Variants in NUP98 observed in about 807,000 individuals in gnomAD.
NUP98 encodes the protein nuclear pore complex protein Nup98-Nup96.
Under a neutral mutation model 191.9 loss-of-function variants are expected in NUP98, and 26 were observed. The ratio of observed to expected loss-of-function variants is 0.14; its 90% CI spans 0.10 to 0.19. NUP98 has a LOEUF of 0.19. NUP98 is among the 10% of genes least tolerant of loss of function. The pLI is 1.00. For synonymous variants in NUP98, 808 were observed against 778.4 expected, an observed-to-expected ratio of 1.04 and a Z score of -0.63; for missense variants, 1,941 against 2,178.8, an observed-to-expected ratio of 0.89 and a Z score of 2.17.
rs539064761 is a variant in NUP98 at position 3,675,446 on chromosome 11, C to G, written c.*713G>C. 2 of 227,592 alleles carry G rather than the reference C, an allele frequency of 8.8e-6. No individual in the cohort carries two copies. The highest frequency in any genetic ancestry group is 1.7e-5 in the Non-Finnish European group (2 of 114,506). The allele number at this position is 227,592 out of a possible 1,614,324, so 14.1% of individuals were successfully genotyped here. ...GCAAGACTGAAAACCAGGGACCAAA[C>G]CAAACTCTGGGAGCTTCCCACAGAC... is the stretch of plus-strand genomic sequence containing the variant. On this transcript the variant is annotated 3_prime_UTR_variant, in exon 33 of 33. Transcript: ENST00000324932.
Position 3,797,407 on chromosome 11 carries a change from C to T in NUP98, c.-36G>A, listed in dbSNP as rs1305132866. 2.5e-6 allele frequency: 1 copy of T among 403,368 alleles called. No individual in the cohort carries two copies. The highest frequency in any genetic ancestry group is 4.4e-6 in the Non-Finnish European group (1 of 228,600). 25.0% of individuals were successfully genotyped at this position (403,368 alleles called of 1,614,324 possible). Reference sequence around the variant, plus strand: ...CTCGGGCTCCCGACTTACCGCGGTTCGGTGGGGAAGGGGAAGTGTCAGGAG... The same window carrying T: ...CTCGGGCTCCCGACTTACCGCGGTTTGGTGGGGAAGGGGAAGTGTCAGGAG... On this transcript the variant is annotated 5_prime_UTR_variant, in exon 1 of 33. Coordinates refer to ENST00000324932, the MANE Select transcript of NUP98 (RefSeq NM_016320.5).
intron 8 of NUP98, among the ~76,000 whole-genome samples, chr11:3,764,699 C>T (rs140790699): frequency 6.6e-6 from 1 of 152,158 alleles, no homozygotes; most frequent in Admixed American, 6.6e-5. Flanking sequence ...CTGCCTCAGC[C>T]CCCTGAGTAG....
Position 3,702,881 on chromosome 11 carries a change from G to C in NUP98, c.3094C>G (p.Leu1032Val). The change falls in exon 23 of 33, where the codon CTA (leucine) becomes GTA (valine). Residue 1032 changes from leucine (L) to valine (V), a missense_variant. Coordinates refer to ENST00000324932, the MANE Select transcript of NUP98 (RefSeq NM_016320.5). ...GCTCCACTTGTAAATTTTGATTGTA[G>C]TAACCCACCAACTGAAATGAAGCGG... The part of the protein sequence containing the change: ...SKTRSLVGGL[L>V]QSKFTSGAFL... 1.2e-6 allele frequency: 2 copies of C among 1,606,782 alleles called. No individual in the cohort carries two copies. The highest frequency in any genetic ancestry group is 1.7e-6 in the Non-Finnish European group (2 of 1,175,014).
At chr11:3,768,322 G>A (rs1160189395) in intron 8 of NUP98, among the ~76,000 whole-genome samples, 1 of 151,658 alleles carries the variant, frequency 6.6e-6, no homozygotes, top group African/African-American at 2.4e-5. Flanking sequence ...TCGGGAGGCT[G>A]AGGCAGGAGA....
Position 3,795,287 on chromosome 11 carries a change from C to T in NUP98, c.-29+2113G>A, listed in dbSNP as rs151138154. Among the ~76,000 whole-genome samples, 609 of 151,994 alleles carry T rather than the reference C, an allele frequency of 4.0e-3. 2 individuals are homozygous for T. Among genetic ancestry groups the T allele is most frequent in the African/African-American group, 0.014 (573 of 41,466 alleles). ...AAACCCTGTCTCTACCCAAAATATA[C>T]AAAAAAATATTAGCTGGGTATGGTG... On this transcript the variant is annotated intron_variant, in intron 1 of 32. Coordinates refer to ENST00000324932, the MANE Select transcript of NUP98 (RefSeq NM_016320.5).
At chr11:3,686,306 TTA>T in intron 28 of NUP98, 112 bp from the exon 29 acceptor site, 2 of 851,602 alleles carry the variant, frequency 2.3e-6, no homozygotes, top group Non-Finnish European at 3.7e-6. Context: ...AGTGAAAGCA[TTA>T]TAGGCCTTCT....
At chr11:3,785,346 C>T (rs766554085) in intron 1 of NUP98, among the ~76,000 whole-genome samples, 1 of 151,686 alleles carries the variant, frequency 6.6e-6, no homozygotes, top group Non-Finnish European at 1.5e-5. Flanking sequence ...ATGCACTCTC[C>T]AAAGTGCCAC....
intron 7 of NUP98, among the ~76,000 whole-genome samples, chr11:3,771,202 T>C (rs536775403): frequency 5.9e-5 from 9 of 152,292 alleles, no homozygotes; most frequent in East Asian, 5.8e-4. Flanking sequence ...ACCTCTTATG[T>C]TGATAATAGC....
At chr11:3,782,899 T>A (rs1197204197) in intron 1 of NUP98, among the ~76,000 whole-genome samples, 1 of 152,118 alleles carries the variant, frequency 6.6e-6, no homozygotes, top group African/African-American at 2.4e-5. Context: ...AGTTTCTTTC[T>A]CCCCTACCTT....
chr11:3,789,803 G>C (rs2082274501), intron 1 of NUP98, among the ~76,000 whole-genome samples: 1 of 151,680 alleles, frequency 6.6e-6, no homozygotes, highest in Non-Finnish European at 1.5e-5. Context: ...ATTTTTTTGA[G>C]ACAGTCTTGC....
Position 3,688,820 on chromosome 11 carries a change from C to CATATACATATATATATAT in NUP98, c.4454+2526_4454+2527insATATATATATATGTATAT, listed in dbSNP as rs1388681065. 7.9e-3 allele frequency among the ~76,000 whole-genome samples: 1,081 copies of CATATACATATATATATAT among 136,124 alleles called. 18 individuals carry two copies. Among genetic ancestry groups the CATATACATATATATATAT allele is most frequent in the African/African-American group, 0.029 (1,041 of 35,528 alleles). 89.3% of individuals were successfully genotyped at this position (136,124 alleles called of 152,430 possible). A position where few individuals can be genotyped will look rare whatever the true frequency, so the allele number is the denominator to read the frequency against. On this transcript the variant is annotated intron_variant, in intron 28 of 32. Transcript: ENST00000324932. ...AAATATATATATGTATTTAAATATACATATATATATATATATATATATTTA... is the reference window on the plus strand; with the variant it reads ...AAATATATATATGTATTTAAATATACATATACATATATATATATATATATATATATATATATATATTTA...
At chr11:3,691,205 A>AT in intron 28 of NUP98, 142 bp downstream of exon 28, 1 of 796,892 alleles carries the variant, frequency 1.3e-6, no homozygotes, top group Non-Finnish European at 2.0e-6. Context: ...TGCTCTTTCC[A>AT]TTCAACTACT....
intron 11 of NUP98, 99 bp downstream of exon 11, chr11:3,753,214 ACTT>A (rs2080831197): frequency 5.1e-6 from 5 of 980,594 alleles, no homozygotes; most frequent in East Asian, 4.8e-5. Context: ...GAAAAGGTAG[ACTT>A]CTTAATTCCA....
At chr11:3,723,082 T>C in intron 16 of NUP98, 75 bp downstream of exon 16, 3 of 1,385,538 alleles carry the variant, frequency 2.2e-6, no homozygotes, top group Non-Finnish European at 3.0e-6. Context: ...GACTTCCATA[T>C]GTTGAATATC....
rs762522488 is a variant in NUP98, at chr11:3,691,464, G to A, written c.4337C>T (p.Ala1446Val). The A allele has an allele frequency of 6.2e-7, 1 of 1,614,110 alleles. No homozygotes were observed. The change falls in exon 28 of 33, where the codon GCC becomes GTC. Residue 1446 changes from alanine (A) to valine (V), a missense_variant. Around this residue, in one of 6 missense-constraint regions of NUP98, gnomAD observed 1,030 missense variants for 1,115.8 expected, o/e 0.92. Transcript: ENST00000324932. ...FQNTSDSDRY[A>V]CSPLPSYLEG... ...CAGATACGAAGGAAGTGGGGAGCAG[G>A]CATATCTGTCACTGTCAGAGGTATT...
In NUP98 at chr11:3,676,564, G is replaced by A. The variant is rs1307749733; in HGVS notation, c.5130C>T (p.Cys1710=). 2 of 1,614,192 alleles carry A rather than the reference G, an allele frequency of 1.2e-6. No homozygotes were observed. The highest frequency in any genetic ancestry group is 2.2e-5 in the East Asian group (1 of 44,880). The part of the protein sequence containing the change: ...EQLHIKVTSL[C]SRIEQIQCYS... ...AACACTGAATCTGCTCTATCCGACT[G>A]CACAGTGAAGTCACTTTGATGTGTA... is the stretch of plus-strand genomic sequence containing the variant. The change falls in exon 32 of 33, where the codon TGC becomes TGT. Residue 1710 remains cysteine (C), a synonymous_variant. Coordinates refer to ENST00000324932, the MANE Select transcript of NUP98 (RefSeq NM_016320.5).
chr11:3,713,709 A>G (rs1016238482), intron 19 of NUP98, 109 bp downstream of exon 19: 2 of 1,040,882 alleles, frequency 1.9e-6, no homozygotes, highest in Non-Finnish European at 2.8e-6. Context: ...ACAGAGCAAG[A>G]ACCCCATCAA....
At chr11:3,703,018 T>C (rs903307140) in intron 22 of NUP98, 126 bp from the exon 23 acceptor site, 1 of 781,310 alleles carries the variant, frequency 1.3e-6, no homozygotes, top group Non-Finnish European at 2.0e-6. Context: ...TTATATCAGA[T>C]GTGGATGACC....
intron 8 of NUP98, among the ~76,000 whole-genome samples, chr11:3,768,351 G>A (rs112393398): frequency 0.025 from 3,850 of 151,472 alleles, 77 homozygotes; most frequent in Non-Finnish European, 0.043. Context: ...AACCTGGGAG[G>A]CGGAGCTTGC....
Sources: allele counts gnomAD v4.1 joint callset (sites outside exome capture counted in the v4.1 genomes callset), GRCh38; gene constraint gnomAD v4.1.1; regional missense constraint gnomAD v4.1.1; transcripts MANE v1.5; gene names NCBI Gene and HGNC (gene_info 2026-07-23, HGNC 2026-07-21).